Variants in ACOXL observed in about 807,000 individuals in gnomAD.
The protein encoded by ACOXL is acyl-CoA oxidase like.
In ACOXL, 70 loss-of-function variants were observed where a neutral mutation model predicts 71.9. The observed-to-expected ratio is 0.97, with a 90% CI of 0.80 to 1.19. The LOEUF is 1.19. ACOXL is among the 50% of genes most tolerant of loss of function. The pLI is 0.00. For missense variants in ACOXL, 703 were observed against 736.3 expected, an observed-to-expected ratio of 0.95 and a Z score of 0.52; for synonymous variants, 253 against 281.6, an observed-to-expected ratio of 0.90 and a Z score of 1.02.
intron 1 of ACOXL, among the ~76,000 whole-genome samples, chr2:110,752,672 A>G (rs986429070): frequency 8.6e-5 from 13 of 151,688 alleles, no homozygotes; most frequent in Non-Finnish European, 1.8e-4. Context: ...TTCTTGTTGC[A>G]TTGTATGTTG....
At chr2:110,941,044 A>G (rs898292081) in intron 12 of ACOXL, among the ~76,000 whole-genome samples, 1 of 152,250 alleles carries the variant, frequency 6.6e-6, no homozygotes, top group African/African-American at 2.4e-5. Flanking sequence ...TCACACAAGA[A>G]AGAAAAATTG....
At chr2:110,896,496 G>T (rs144989439) in intron 10 of ACOXL, among the ~76,000 whole-genome samples, 1 of 152,034 alleles carries the variant, frequency 6.6e-6, no homozygotes, top group East Asian at 1.9e-4. Flanking sequence ...CACTTCAAAT[G>T]TAACAATATA....
chr2:110,951,286 A>G (rs962240129), intron 12 of ACOXL, among the ~76,000 whole-genome samples: 1 of 152,204 alleles, frequency 6.6e-6, no homozygotes, highest in Admixed American at 6.5e-5. Flanking sequence ...TTAATTTTGT[A>G]TGTTGATCTT....
intron 17 of ACOXL, among the ~76,000 whole-genome samples, chr2:111,117,135 G>A (rs1366297128): frequency 6.6e-6 from 1 of 152,220 alleles, no homozygotes; most frequent in African/African-American, 2.4e-5. Flanking sequence ...ACTGGAGCAG[G>A]TCTCTAGTGG....
At chr2:111,034,616 A>C (rs17041797) in intron 15 of ACOXL, among the ~76,000 whole-genome samples, 10,350 of 152,340 alleles carry the variant, frequency 0.068, 405 homozygotes, top group East Asian at 0.19. Flanking sequence ...AATTAGTTCA[A>C]TGACAGCATT....
intron 16 of ACOXL, among the ~76,000 whole-genome samples, chr2:111,071,001 A>G (rs1219749480): frequency 6.6e-6 from 1 of 152,154 alleles, no homozygotes; most frequent in Non-Finnish European, 1.5e-5. Flanking sequence ...ATCTTGGGCT[A>G]CTCAAAATCC....
chr2:110,983,208 C>A (rs2062790775), intron 12 of ACOXL, among the ~76,000 whole-genome samples: 1 of 152,300 alleles, frequency 6.6e-6, no homozygotes, highest in South Asian at 2.1e-4. Flanking sequence ...GCTCTTTAAT[C>A]CAAGTTTCAC....
intron 16 of ACOXL, among the ~76,000 whole-genome samples, chr2:111,065,452 G>C (rs1341786021): frequency 6.6e-6 from 1 of 152,180 alleles, no homozygotes; most frequent in Middle Eastern, 3.2e-3. Flanking sequence ...GGCAACTATG[G>C]TTAGACGGTG....
intron 10 of ACOXL, among the ~76,000 whole-genome samples, chr2:110,883,021 A>G (rs909177196): frequency 2.6e-5 from 4 of 151,016 alleles, no homozygotes; most frequent in African/African-American, 9.8e-5. Flanking sequence ...TTCCACAACA[A>G]CTTTGTGCCA....
Position 111,064,435 on chromosome 2 carries a change from C to CAAAAAAA in ACOXL, c.1440+15151_1440+15157dup, listed in dbSNP as rs34617136. 3.3e-4 allele frequency among the ~76,000 whole-genome samples: 28 copies of CAAAAAAA among 85,212 alleles called. 3 individuals are homozygous for CAAAAAAA. The highest frequency in any genetic ancestry group is 4.1e-4 in the East Asian group (1 of 2,468). 55.9% of individuals were successfully genotyped at this position (85,212 alleles called of 152,430 possible). A position where few individuals can be genotyped will look rare whatever the true frequency, so the allele number is the denominator to read the frequency against. On this transcript the variant is annotated intron_variant, in intron 16 of 17. Transcript: ENST00000439055. ...TGGGCGAAAGAGCGACACTCCATCTCAAAAAAAAAACAAAAAAAAAACAAC... is the reference window on the plus strand; with the variant it reads ...TGGGCGAAAGAGCGACACTCCATCTCAAAAAAAAAAAAAAAAACAAAAAAAAAACAAC...
chr2:110,775,713 A>T (rs1011688930), intron 2 of ACOXL, among the ~76,000 whole-genome samples: 1 of 152,214 alleles, frequency 6.6e-6, no homozygotes, highest in African/African-American at 2.4e-5. Flanking sequence ...ACCCATTAGG[A>T]TGGTTATTAT....
chr2:110,986,064 A>G (rs958561587), intron 12 of ACOXL, among the ~76,000 whole-genome samples: 7 of 152,246 alleles, frequency 4.6e-5, no homozygotes, highest in African/African-American at 1.4e-4. Flanking sequence ...TATTATGACA[A>G]TGTAAAACTG....
At chr2:110,927,832 C>T (rs1322735791) in intron 11 of ACOXL, among the ~76,000 whole-genome samples, 1 of 152,152 alleles carries the variant, frequency 6.6e-6, no homozygotes, top group Non-Finnish European at 1.5e-5. Flanking sequence ...GGAGCTTTGC[C>T]TTTAAATCAT....
At chr2:110,811,727 G>GCTTACACACA (rs1553548074) in intron 9 of ACOXL, among the ~76,000 whole-genome samples, 2 of 29,296 alleles carry the variant, frequency 6.8e-5, no homozygotes, top group Admixed American at 7.1e-4. Flanking sequence ...TGTTTTTTTT[G>GCTTACACACA]CATACACACA....
chr2:110,796,183 A>G (rs1333394023), intron 5 of ACOXL: 2 of 152,104 alleles, frequency 1.3e-5, no homozygotes, highest in African/African-American at 4.8e-5. Context: ...AATCTCTTAC[A>G]TGTTTTGGTT....
intron 10 of ACOXL, among the ~76,000 whole-genome samples, chr2:110,891,012 G>T (rs183752036): frequency 6.6e-6 from 1 of 151,606 alleles, no homozygotes; most frequent in East Asian, 1.9e-4. Flanking sequence ...TTGTTAATTT[G>T]TTCTGAGTCT....
chr2:110,750,263 G>A (rs1393129594), intron 1 of ACOXL, among the ~76,000 whole-genome samples: 3 of 152,120 alleles, frequency 2.0e-5, no homozygotes, highest in Admixed American at 2.0e-4. Context: ...TTTCCCCCAT[G>A]TATTTATTTA....
At position 110,763,476 on chromosome 2, in the gene ACOXL, G is replaced by A. The variant is rs941813549; in HGVS notation, c.-22-4892G>A. Among the ~76,000 whole-genome samples the A allele has an allele frequency of 4.6e-5, 7 of 152,138 alleles. No individual in the cohort carries two copies. The East Asian group carries it at 5.8e-4, about 13-fold the overall frequency. On this transcript the variant is annotated intron_variant, in intron 1 of 17. Coordinates refer to ENST00000439055, the MANE Select transcript of ACOXL (RefSeq NM_001142807.4). ...ACCAATGATGCTGTGACAACTGGACGTCAACATACAACCCCCACCCCCACA... is the reference window on the plus strand; with the variant it reads ...ACCAATGATGCTGTGACAACTGGACATCAACATACAACCCCCACCCCCACA...
intron 14 of ACOXL, among the ~76,000 whole-genome samples, chr2:110,999,584 C>A (rs1274388361): frequency 1.3e-5 from 2 of 152,068 alleles, no homozygotes; most frequent in Non-Finnish European, 2.9e-5. Flanking sequence ...CCATGCTGTA[C>A]CAGAGTTGGT....
Sources: allele counts gnomAD v4.1 joint callset (sites outside exome capture counted in the v4.1 genomes callset), GRCh38; gene constraint gnomAD v4.1.1; transcripts MANE v1.5; gene names NCBI Gene and HGNC (gene_info 2026-07-23, HGNC 2026-07-21).